The following SLC41A2 variants were observed in gnomAD, a reference collection of about 807,000 sequenced individuals.
The protein encoded by SLC41A2 is solute carrier family 41 member 2.
A neutral mutation model predicts 58.3 loss-of-function variants in SLC41A2; 32 were observed. That is an observed-to-expected ratio of 0.55 (90% CI 0.41 to 0.74). The LOEUF is 0.74. SLC41A2 is among the 30% of genes least tolerant of loss of function. The probability of loss-of-function intolerance (pLI) is 0.00; values close to 1 mark genes in which losing one functional copy is unlikely to be tolerated. For missense variants in SLC41A2, 514 were observed against 680.6 expected (o/e 0.76, Z 2.72); for synonymous variants, 190 against 235.0 (o/e 0.81, Z 1.75).
intron 10 of SLC41A2, among the ~76,000 whole-genome samples, chr12:104,807,509 GC>G (rs2040967813): frequency 6.6e-6 from 1 of 152,176 alleles, no homozygotes; most frequent in Non-Finnish European, 1.5e-5. Context: ...GATGCCTCCA[GC>G]TTTGTTCTTT....
chr12:104,952,722 T>A lies in SLC41A2; in HGVS notation c.-168+5366A>T, dbSNP rs188012350. 2.0e-3 allele frequency among the ~76,000 whole-genome samples: 312 copies of A among 152,314 alleles called. 2 individuals carry two copies. Among genetic ancestry groups the A allele is most frequent in the African/African-American group, 7.3e-3 (305 of 41,590 alleles). On this transcript the variant is annotated intron_variant, in intron 1 of 10. Transcript: ENST00000258538. Reference sequence around the variant, plus strand: ...TTTTAAAAAACATGTGGATTACAACTCACTAATTTGCTTTCACAATCTACT... The same window carrying A: ...TTTTAAAAAACATGTGGATTACAACACACTAATTTGCTTTCACAATCTACT...
At chr12:104,829,064 G>T (rs2041953312) in intron 10 of SLC41A2, among the ~76,000 whole-genome samples, 1 of 152,144 alleles carries the variant, frequency 6.6e-6, no homozygotes, top group Non-Finnish European at 1.5e-5. Flanking sequence ...ATGCAGAATG[G>T]TATAATCATT....
chr12:104,911,588 C>A (rs188820910), intron 2 of SLC41A2, among the ~76,000 whole-genome samples: 173 of 152,232 alleles, frequency 1.1e-3, no homozygotes, highest in African/African-American at 3.8e-3. Context: ...AATACCAAGA[C>A]AGATGAGAAA....
intron 8 of SLC41A2, 54 bp downstream of exon 8, chr12:104,861,237 C>CT: frequency 7.5e-7 from 1 of 1,329,220 alleles, no homozygotes; most frequent in Non-Finnish European, 1.1e-6. Context: ...GTACCTAAGA[C>CT]TAAGAGGATA....
chr12:104,814,625 T>G (rs2041314936), intron 10 of SLC41A2, among the ~76,000 whole-genome samples: 1 of 152,100 alleles, frequency 6.6e-6, no homozygotes, highest in African/African-American at 2.4e-5. Context: ...TCTCCAAGTC[T>G]TAGTTTCCTC....
intron 1 of SLC41A2, among the ~76,000 whole-genome samples, chr12:104,935,887 A>G (rs1451983423): frequency 6.6e-6 from 1 of 152,192 alleles, no homozygotes; most frequent in Non-Finnish European, 1.5e-5. Context: ...TAGTAAAAAT[A>G]CAAAAATTAG....
chr12:104,882,232 C>A (rs1432551348), intron 6 of SLC41A2, among the ~76,000 whole-genome samples: 1 of 152,030 alleles, frequency 6.6e-6, no homozygotes, highest in Non-Finnish European at 1.5e-5. Context: ...AGATGGGTCT[C>A]CTGAATACAG....
chr12:104,836,109 GC>G (rs745398848), intron 10 of SLC41A2, among the ~76,000 whole-genome samples: 11 of 152,332 alleles, frequency 7.2e-5, no homozygotes, highest in Non-Finnish European at 1.2e-4. Flanking sequence ...CTCCCAAAAT[GC>G]TGGGATTAGA....
chr12:104,916,769 A>G (rs1202409205), intron 2 of SLC41A2, among the ~76,000 whole-genome samples: 34 of 152,226 alleles, frequency 2.2e-4, no homozygotes, highest in Admixed American at 2.0e-3. Context: ...CTGGCTAGCC[A>G]TATGTAGAAA....
intron 6 of SLC41A2, among the ~76,000 whole-genome samples, chr12:104,873,379 G>A (rs757482998): frequency 4.6e-5 from 7 of 151,946 alleles, no homozygotes; most frequent in Non-Finnish European, 7.4e-5. Flanking sequence ...TTTTAAGACC[G>A]AACAATATTA....
chr12:104,839,672 T>C (rs2042338794), intron 10 of SLC41A2, among the ~76,000 whole-genome samples: 1 of 151,824 alleles, frequency 6.6e-6, no homozygotes, highest in Non-Finnish European at 1.5e-5. Flanking sequence ...CCCTGCTAAT[T>C]TTTTGTATTT....
chr12:104,893,830 A>C (rs989938206), intron 4 of SLC41A2, among the ~76,000 whole-genome samples: 1 of 152,190 alleles, frequency 6.6e-6, no homozygotes, highest in Non-Finnish European at 1.5e-5. Flanking sequence ...GGAGACAGAA[A>C]GTAGAAGGAT....
At chr12:104,917,239 G>A (rs1226796379) in intron 2 of SLC41A2, among the ~76,000 whole-genome samples, 1 of 151,140 alleles carries the variant, frequency 6.6e-6, no homozygotes, top group Non-Finnish European at 1.5e-5. Context: ...CACCATCACT[G>A]GCCATCAGAG....
chr12:104,938,532 C>T (rs980668982), intron 1 of SLC41A2, among the ~76,000 whole-genome samples: 1 of 152,180 alleles, frequency 6.6e-6, no homozygotes, highest in Non-Finnish European at 1.5e-5. Flanking sequence ...AGCAGCAACA[C>T]TTACAAACAG....
At chr12:104,877,834 A>G (rs1280158636) in intron 6 of SLC41A2, among the ~76,000 whole-genome samples, 1 of 152,046 alleles carries the variant, frequency 6.6e-6, no homozygotes, top group African/African-American at 2.4e-5. Flanking sequence ...CCCCGTCTCT[A>G]CTAAAAATAC....
At chr12:104,882,396 G>C (rs2135613161) in intron 6 of SLC41A2, among the ~76,000 whole-genome samples, 1 of 152,242 alleles carries the variant, frequency 6.6e-6, no homozygotes, top group Admixed American at 6.5e-5. Flanking sequence ...ATTAATTGAT[G>C]CAGTTTCTTC....
intron 10 of SLC41A2, among the ~76,000 whole-genome samples, chr12:104,816,918 T>G (rs1211022647): frequency 6.6e-6 from 1 of 152,188 alleles, no homozygotes; most frequent in African/African-American, 2.4e-5. Flanking sequence ...GGTGTAGTAT[T>G]TGTATATAAC....
intron 9 of SLC41A2, among the ~76,000 whole-genome samples, chr12:104,845,086 C>G (rs1312019806): frequency 1.3e-5 from 2 of 151,910 alleles, no homozygotes; most frequent in Non-Finnish European, 2.9e-5. Flanking sequence ...GAGTTCAAGA[C>G]CAGCCTGGGC....
chr12:104,927,322 T>C (rs537031828), intron 2 of SLC41A2, among the ~76,000 whole-genome samples: 3 of 152,220 alleles, frequency 2.0e-5, no homozygotes, highest in Admixed American at 2.0e-4. Flanking sequence ...GAAGAATGAG[T>C]AAGTAAATTT....
Sources: allele counts gnomAD v4.1 joint callset (sites outside exome capture counted in the v4.1 genomes callset), GRCh38; gene constraint gnomAD v4.1.1; transcripts MANE v1.5; gene names NCBI Gene and HGNC (gene_info 2026-07-23, HGNC 2026-07-21).